The following GPHN variants were observed in gnomAD, a reference collection of about 807,000 sequenced individuals.
The protein encoded by GPHN is gephyrin.
In GPHN, 17 loss-of-function variants were observed where a neutral mutation model predicts 95.5. That is an observed-to-expected ratio of 0.18 (90% CI 0.12 to 0.27). The LOEUF (loss-of-function observed/expected upper bound fraction) is 0.27, where lower values mean the gene tolerates loss of function less well. Among genes scored for constraint, GPHN ranks in the 10% least tolerant of loss-of-function variants. The pLI, the probability that GPHN is intolerant of heterozygous loss-of-function variation, is 1.00. For missense variants in GPHN, 660 were observed against 978.1 expected (o/e 0.67, Z 4.34); for synonymous variants, 320 against 322.5 (o/e 0.99, Z 0.08).
the GPHN span, chr14:67,653,495 C>T: frequency 6.2e-7 from 1 of 1,613,358 alleles, no homozygotes; most frequent in Non-Finnish European, 8.5e-7. Context: ...CTTGTGTTTA[C>T]CAGCTGAGAA....
At chr14:67,562,881 A>T in the GPHN span, 2 of 1,612,510 alleles carry the variant, frequency 1.2e-6, no homozygotes, top group Non-Finnish European at 1.7e-6. Flanking sequence ...CCGCTGCACC[A>T]GTTTTCATCC....
chr14:67,082,028 G>C (rs1024380116), intron 11 of GPHN, among the ~76,000 whole-genome samples: 2 of 152,134 alleles, frequency 1.3e-5, no homozygotes, highest in East Asian at 3.8e-4. Flanking sequence ...AAGTCACGTA[G>C]TGTGATGTCT....
intron 11 of GPHN, among the ~76,000 whole-genome samples, chr14:67,060,842 T>C (rs1372669815): frequency 6.6e-6 from 1 of 152,196 alleles, no homozygotes; most frequent in Non-Finnish European, 1.5e-5. Flanking sequence ...ATAAAGTGAA[T>C]TGTAAGTCTA....
intron 1 of GPHN, among the ~76,000 whole-genome samples, chr14:66,675,439 C>T (rs979945137): frequency 7.2e-5 from 11 of 152,108 alleles, no homozygotes; most frequent in African/African-American, 1.4e-4. Flanking sequence ...CCACCGCTCC[C>T]GGCCCCTTTT....
At chr14:67,614,098 G>C in the GPHN span, among the ~76,000 whole-genome samples, 24 of 152,020 alleles carry the variant, frequency 1.6e-4, no homozygotes, top group Non-Finnish European at 3.2e-4. Context: ...ACCACACCCA[G>C]CTAATTTTGT....
the GPHN span, chr14:67,340,287 CTTCTGGTAATAATAT>C: frequency 1.6e-6 from 1 of 641,246 alleles, no homozygotes; most frequent in Non-Finnish European, 2.6e-6. Context: ...GTTTCCACAA[CTTCTGGTAATAATAT>C]TTCTTGCTGC....
the GPHN span, among the ~76,000 whole-genome samples, chr14:67,293,236 C>T: frequency 6.6e-6 from 1 of 151,960 alleles, no homozygotes; most frequent in Non-Finnish European, 1.5e-5. Flanking sequence ...ATTCTTGTTT[C>T]TGATGCTAAC....
intron 4 of GPHN, among the ~76,000 whole-genome samples, chr14:66,860,226 G>A (rs1464149809): frequency 6.6e-6 from 1 of 152,066 alleles, no homozygotes; most frequent in Non-Finnish European, 1.5e-5. Flanking sequence ...AAAGCACCAA[G>A]AGAAAAGAAA....
intron 2 of GPHN, among the ~76,000 whole-genome samples, chr14:66,749,277 G>A (rs1036611537): frequency 6.6e-6 from 1 of 151,844 alleles, no homozygotes; most frequent in African/African-American, 2.4e-5. Context: ...ACAAGTTTTG[G>A]CCATTATGAA....
chr14:67,275,083 C>G, the GPHN span, among the ~76,000 whole-genome samples: 29 of 152,308 alleles, frequency 1.9e-4, no homozygotes, highest in African/African-American at 6.7e-4. Flanking sequence ...AATTTGACTT[C>G]CTCTTTTCCT....
At chr14:66,637,952 A>G (rs1476904248) in intron 1 of GPHN, among the ~76,000 whole-genome samples, 2 of 151,972 alleles carry the variant, frequency 1.3e-5, no homozygotes, top group African/African-American at 2.4e-5. Flanking sequence ...TATGACTTTT[A>G]TTATTTTCTA....
chr14:67,485,355 TCAAACTGAC>T, the GPHN span, among the ~76,000 whole-genome samples: 1 of 152,218 alleles, frequency 6.6e-6, no homozygotes, highest in Non-Finnish European at 1.5e-5. Context: ...AACTCTCCAG[TCAAACTGAC>T]TTTGTAAGCC....
chr14:67,562,044 G>T, the GPHN span: 8 of 1,613,252 alleles, frequency 5.0e-6, no homozygotes, highest in Non-Finnish European at 6.8e-6. Context: ...AGGTAGGCAG[G>T]CCAGGGTGTG....
At chr14:66,974,032 A>G (rs1322290503) in intron 9 of GPHN, among the ~76,000 whole-genome samples, 2 of 152,188 alleles carry the variant, frequency 1.3e-5, no homozygotes, top group East Asian at 1.9e-4. Context: ...CCTGACTCCT[A>G]TGGACATTTA....
At chr14:66,958,053 T>G (rs1321185470) in intron 8 of GPHN, among the ~76,000 whole-genome samples, 4 of 152,202 alleles carry the variant, frequency 2.6e-5, no homozygotes, top group Non-Finnish European at 5.9e-5. Flanking sequence ...GGACCGCTGT[T>G]CTATTGTACT....
At chr14:66,726,972 T>C (rs1338421681) in intron 2 of GPHN, among the ~76,000 whole-genome samples, 1 of 152,242 alleles carries the variant, frequency 6.6e-6, no homozygotes, top group Non-Finnish European at 1.5e-5. Context: ...ATGATTTGGC[T>C]GTGTCCCCCC....
chr14:67,431,222 A>G, the GPHN span, among the ~76,000 whole-genome samples: 1 of 151,896 alleles, frequency 6.6e-6, no homozygotes, highest in Admixed American at 6.6e-5. Context: ...GTGAAACCCC[A>G]TCTCTACTAA....
rs150481662 is a variant in GPHN at position 66,804,261 on chromosome 14, G to T, written c.202-20213G>T. Reference sequence around the variant, plus strand: ...TTCCCTCAGTCATGAAAGACACTAGGAGGTTTAGCTCTAATATTCATAGGC... The same window carrying T: ...TTCCCTCAGTCATGAAAGACACTAGTAGGTTTAGCTCTAATATTCATAGGC... On this transcript the variant is annotated intron_variant, in intron 3 of 22. Coordinates refer to ENST00000478722, the MANE Select transcript of GPHN (RefSeq NM_020806.5). Among the ~76,000 whole-genome samples, 392 of 152,262 alleles carry T rather than the reference G, an allele frequency of 2.6e-3. 2 individuals carry two copies. The highest frequency in any genetic ancestry group is 8.9e-3 in the African/African-American group (371 of 41,552).
At chr14:67,679,467 G>A in the GPHN span, among the ~76,000 whole-genome samples, 22 of 150,278 alleles carry the variant, frequency 1.5e-4, no homozygotes, top group East Asian at 5.8e-4. Flanking sequence ...GCAGTGATGC[G>A]ATCTCAGCTC....
Sources: gnomAD v4.1 joint callset for allele counts (sites outside exome capture counted in the v4.1 genomes callset) on GRCh38, gnomAD v4.1.1 for gene constraint, MANE v1.5 for transcripts, NCBI Gene and HGNC (gene_info 2026-07-23, HGNC 2026-07-21) for gene names.